Variants in CFH observed in about 807,000 individuals in gnomAD.
CFH encodes H factor 1 (complement).
In CFH, 53 loss-of-function variants were observed where a neutral mutation model predicts 147.3. The ratio of observed to expected loss-of-function variants is 0.36; its 90% CI spans 0.29 to 0.45. The LOEUF is 0.45. CFH is among the 20% of genes least tolerant of loss of function. CFH has a pLI of 1.00. For missense variants in CFH, 1,380 were observed against 1,498.0 expected (o/e 0.92, Z 1.30); for synonymous variants, 536 against 489.4 (o/e 1.10, Z -1.26).
At position 196,673,030 on chromosome 1, in the gene CFH, G is replaced by T; in HGVS notation, c.111G>T (p.Trp37Cys). ...ATACAGAAATTCTGACAGGTTCCTG[G>T]TCTGACCAAACATATCCAGAAGGCA... ...RRNTEILTGS[W>C]SDQTYPEGTQ... Residue 37 changes from tryptophan to cysteine, a missense_variant, in exon 2 of 22, where the codon TGG (tryptophan) becomes TGT (cysteine). Physicochemically the swap from Trp to Cys is radical, Grantham distance 215 (BLOSUM62 -2). This residue lies in a region of CFH where 260 missense variants were observed against 263.3 expected (regional missense o/e 0.99). Transcript: ENST00000367429. 6.2e-7 allele frequency: 1 copy of T among 1,614,034 alleles called. No individual in the cohort carries two copies. The highest frequency in any genetic ancestry group is 8.5e-7 in the Non-Finnish European group (1 of 1,179,976).
chr1:196,696,682 A>G (rs550878774), intron 9 of CFH, among the ~76,000 whole-genome samples: 11 of 152,310 alleles, frequency 7.2e-5, no homozygotes, highest in African/African-American at 1.2e-4. Flanking sequence ...ACCAAGAAAG[A>G]GCCCGCATTG....
At chr1:196,683,360 C>T (rs542092852) in intron 6 of CFH, among the ~76,000 whole-genome samples, 1 of 151,808 alleles carries the variant, frequency 6.6e-6, no homozygotes, top group East Asian at 1.9e-4. Flanking sequence ...TGAATTTGGA[C>T]ATTGGGCTCA....
intron 11 of CFH, among the ~76,000 whole-genome samples, chr1:196,717,089 G>A (rs779411408): frequency 3.9e-5 from 6 of 152,016 alleles, no homozygotes; most frequent in African/African-American, 1.2e-4. Context: ...GGAGGACCCA[G>A]AGAAACAGGA....
rs561434115 is a variant in CFH at position 196,723,778 on chromosome 1, C to A, written c.1697-1343C>A. Among the ~76,000 whole-genome samples, 6 of 152,130 alleles carry A rather than the reference C, an allele frequency of 3.9e-5. No homozygotes were observed. In the South Asian group the frequency reaches 6.2e-4, roughly 16 times the overall value. ...CAGGGGAAGACCCTGGGGAGATACC[C>A]GTAGCTTGTCTTTCTTGCAAGCCTG... On this transcript the variant is annotated intron_variant, in intron 11 of 21. Coordinates refer to ENST00000367429, the MANE Select transcript of CFH (RefSeq NM_000186.4).
intron 1 of CFH, among the ~76,000 whole-genome samples, chr1:196,670,071 T>G (rs1667225377): frequency 6.6e-6 from 1 of 152,232 alleles, no homozygotes; most frequent in African/African-American, 2.4e-5. Flanking sequence ...GATTTCTGAC[T>G]TTCATGGAGC....
Position 196,713,869 on chromosome 1 carries a change from T to A in CFH, c.1471T>A (p.Ser491Thr), listed in dbSNP as rs1172246819. ...AACAGCAGATGGTGAAACATCAGGA[T>A]CAATTACATGTGGGAAAGATGGATG... The part of the protein sequence containing the change: ...YVTADGETSG[S>T]ITCGKDGWSA... Residue 491 changes from serine (S) to threonine (T), a missense_variant, in exon 10 of 22, where the codon TCA becomes ACA. Around this residue, in one of 4 missense-constraint regions of CFH, gnomAD observed 830 missense variants for 821.4 expected, o/e 1.01. Coordinates refer to ENST00000367429, the MANE Select transcript of CFH (RefSeq NM_000186.4). 2 of 1,612,840 alleles carry A rather than the reference T, an allele frequency of 1.2e-6. No individual in the cohort carries two copies. The highest frequency in any genetic ancestry group is 1.1e-5 in the South Asian group (1 of 91,058).
chr1:196,666,696 C>A lies in CFH; in HGVS notation c.59-6282C>A, dbSNP rs188136360. 2.6e-3 allele frequency among the ~76,000 whole-genome samples: 389 copies of A among 150,086 alleles called. 1 individual carries two copies. The highest frequency in any genetic ancestry group is 0.014 in the East Asian group (69 of 5,088). ...GCATGGTGGCGGGCACCTGTAGTTC[C>A]AGCTACTCAGATGGCTGAGGCAGGA... On this transcript the variant is annotated intron_variant, in intron 1 of 21. Transcript: ENST00000367429.
At chr1:196,701,714 C>T (rs1668454360) in intron 9 of CFH, 1 of 235,068 alleles carries the variant, frequency 4.3e-6, no homozygotes, top group Non-Finnish European at 8.4e-6. Flanking sequence ...CTGGGACAGA[C>T]CCAGAGACAA....
intron 8 of CFH, among the ~76,000 whole-genome samples, 179 bp downstream of exon 8, chr1:196,689,793 C>A (rs187159761): frequency 6.6e-6 from 1 of 152,104 alleles, no homozygotes; most frequent in East Asian, 1.9e-4. Flanking sequence ...TTGAAAATCA[C>A]AGGAGAAATA....
chr1:196,729,192 T>C (rs936247387), intron 15 of CFH, among the ~76,000 whole-genome samples: 8 of 152,092 alleles, frequency 5.3e-5, no homozygotes, highest in African/African-American at 1.9e-4. Context: ...CAGAAAGCAT[T>C]GACAACCAAT....
At chr1:196,737,107 T>G (rs1206798346) in intron 16 of CFH, 101 bp downstream of exon 16, 1 of 1,034,910 alleles carries the variant, frequency 9.7e-7, no homozygotes, top group Non-Finnish European at 1.4e-6. Flanking sequence ...CTGTGTCTAT[T>G]ACTTTATCCT....
chr1:196,667,726 C>A (rs925192771), intron 1 of CFH, among the ~76,000 whole-genome samples: 5 of 152,146 alleles, frequency 3.3e-5, no homozygotes, highest in Middle Eastern at 6.8e-3. Flanking sequence ...CATATTGCTA[C>A]TTACTTTTGC....
chr1:196,706,621 G>A (rs1668596162), intron 9 of CFH, among the ~76,000 whole-genome samples: 1 of 152,186 alleles, frequency 6.6e-6, no homozygotes, highest in Non-Finnish European at 1.5e-5. Flanking sequence ...AGGTTCTGGT[G>A]CCCAAGTATC....
At chr1:196,689,656 T>A (rs1558161808) in intron 8 of CFH, 42 bp downstream of exon 8, 1 of 1,600,620 alleles carries the variant, frequency 6.2e-7, no homozygotes, top group South Asian at 1.1e-5. Flanking sequence ...TATAAAACTT[T>A]CAAAGATCGA....
Position 196,745,961 on chromosome 1 carries a change from G to A in CFH, c.3455G>A (p.Cys1152Tyr). The A allele has an allele frequency of 6.2e-7, 1 of 1,614,104 alleles. No homozygotes were observed. The highest frequency in any genetic ancestry group is 8.5e-7 in the Non-Finnish European group (1 of 1,180,016). Reference sequence around the variant, plus strand: ...CTTGAGGGTAACAAGCGAATAACATGTAGAAATGGACAATGGTCAGAACCA... The same window carrying A: ...CTTGAGGGTAACAAGCGAATAACATATAGAAATGGACAATGGTCAGAACCA... ...YQLEGNKRIT[C>Y]RNGQWSEPPK... Residue 1152 changes from cysteine (C) to tyrosine (Y), a missense_variant, in exon 21 of 22, where the codon TGT (cysteine) becomes TAT (tyrosine). By Grantham distance (194) the Cys-to-Tyr change is radical. Transcript: ENST00000367429.
chr1:196,688,847 G>C (rs1257374764), intron 7 of CFH, among the ~76,000 whole-genome samples: 2 of 152,056 alleles, frequency 1.3e-5, no homozygotes, highest in African/African-American at 4.8e-5. Context: ...CTCCTTACGA[G>C]TGATCTGCCT....
chr1:196,663,256 G>A lies in CFH; in HGVS notation c.59-9722G>A, dbSNP rs35229136. Among the ~76,000 whole-genome samples the A allele has an allele frequency of 8.8e-3, 1,339 of 152,088 alleles. 30 individuals carry two copies. Among genetic ancestry groups the A allele is most frequent in the South Asian group, 0.073 (350 of 4,822 alleles). On this transcript the variant is annotated intron_variant, in intron 1 of 21. Coordinates refer to ENST00000367429, the MANE Select transcript of CFH (RefSeq NM_000186.4). ...CTCATTGACTCTTAGCTCATCTTGT[G>A]TATTTTCCACACATGTGTGTCTCCA...
At chr1:196,733,479 G>A (rs528087247) in intron 15 of CFH, among the ~76,000 whole-genome samples, 2 of 152,174 alleles carry the variant, frequency 1.3e-5, no homozygotes, top group South Asian at 2.1e-4. Flanking sequence ...TAACTGTAAA[G>A]GTTGTAGCAC....
intron 9 of CFH, among the ~76,000 whole-genome samples, chr1:196,690,941 G>C (rs1253852202): frequency 2.0e-5 from 3 of 152,096 alleles, no homozygotes; most frequent in African/African-American, 7.2e-5. Flanking sequence ...AACATGCCTA[G>C]TCCCAGGTAG....
Sources: gnomAD v4.1 joint callset for allele counts (sites outside exome capture counted in the v4.1 genomes callset) on GRCh38, gnomAD v4.1.1 for gene constraint, gnomAD v4.1.1 regional missense constraint, MANE v1.5 for transcripts, NCBI Gene and HGNC (gene_info 2026-07-23, HGNC 2026-07-21) for gene names.